Variants in SFR1 observed in about 807,000 individuals in gnomAD.
The protein encoded by SFR1 is swi5-dependent recombination DNA repair protein 1 homolog.
SFR1 carries 24 observed loss-of-function variants against 26.2 expected under a neutral mutation model. The ratio of observed to expected loss-of-function variants is 0.92; its 90% CI spans 0.66 to 1.29. The LOEUF is 1.29. Ranked by LOEUF, SFR1 falls within the 50% of genes most tolerant of loss-of-function variation. The pLI is 0.00. For synonymous variants in SFR1, 77 were observed against 96.6 expected (o/e 0.80, Z 1.19); for missense variants, 276 against 270.2 (o/e 1.02, Z -0.15).
chr10:104,122,606 A>G (rs959975363), intron 1 of SFR1: 2 of 985,298 alleles, frequency 2.0e-6, no homozygotes, highest in Admixed American at 6.1e-5. Flanking sequence ...GGTTTCGGCT[A>G]TAGCTTCTTG....
Position 104,122,954 on chromosome 10 carries a change from T to C in SFR1, c.14-11T>C. 6.2e-7 allele frequency: 1 copy of C among 1,611,732 alleles called. No homozygotes were observed. The highest frequency in any genetic ancestry group is 1.1e-5 in the South Asian group (1 of 90,990). The stretch of plus-strand genomic sequence containing the variant: ...GGTTAATTCGATTATTTTATAATTT[T>C]TCTTTTTTAGAGAAAAACCAAGATT... On this transcript the variant is annotated splice_polypyrimidine_tract_variant and intron_variant, in intron 1 of 3. Coordinates refer to ENST00000369727, the MANE Select transcript of SFR1 (RefSeq NM_001002759.2).
At chr10:104,121,871 G>C (rs544335059), upstream of SFR1, among the ~76,000 whole-genome samples, 1 of 152,194 alleles carries the variant, frequency 6.6e-6, no homozygotes, top group East Asian at 1.9e-4. Context: ...CCGAAGACCT[G>C]CTGCGGATCG....
upstream of SFR1, among the ~76,000 whole-genome samples, chr10:104,121,808 A>G (rs1269825740): frequency 6.6e-6 from 1 of 152,170 alleles, no homozygotes; most frequent in African/African-American, 2.4e-5. Flanking sequence ...CGCGAACGGA[A>G]GCGCGCCCCC....
chr10:104,122,107 C>T (rs1201052507), upstream of SFR1: 4 of 1,520,088 alleles, frequency 2.6e-6, no homozygotes, highest in Admixed American at 5.9e-5. Context: ...ATCTTTTCCG[C>T]CTACCGCACG....
chr10:104,124,264 A>G (rs2087002267), intron 3 of SFR1, 140 bp downstream of exon 3: 4 of 707,756 alleles, frequency 5.7e-6, no homozygotes, highest in Non-Finnish European at 8.7e-6. Context: ...AACAGCTTTA[A>G]TTCAACTCCA....
intron 1 of SFR1, chr10:104,122,595 A>T: frequency 1.0e-6 from 1 of 985,400 alleles, no homozygotes; most frequent in Non-Finnish European, 1.2e-6. Flanking sequence ...TTTTGAGTCA[A>T]GGTTTCGGCT....
rs2087019610 is a variant in SFR1 at position 104,125,691 on chromosome 10, TTA to T, written c.728_729del (p.Ile243ArgfsTer18). The T allele has an allele frequency of 6.3e-7, 1 of 1,583,790 alleles. No homozygotes were observed. The highest frequency in any genetic ancestry group is 1.1e-5 in the South Asian group (1 of 87,530). ...CACTATAACAGAAGTGAAGAAGAAT[TTA>T]TAGATGTTTAATTCCTGATTTTTGC... On this transcript the variant is annotated frameshift_variant, in exon 4 of 4. Coordinates refer to ENST00000369727, the MANE Select transcript of SFR1 (RefSeq NM_001002759.2). LOFTEE classifies it high-confidence loss of function.
Position 104,123,921 on chromosome 10 carries a change from T to A in SFR1, c.343T>A (p.Leu115Met). 6.2e-7 allele frequency: 1 copy of A among 1,613,174 alleles called. No homozygotes were observed. Among genetic ancestry groups the A allele is most frequent in the African/African-American group, 1.3e-5 (1 of 74,936 alleles). ...IDSEFEENTNLKNTLKNLNVC... is the reference protein window; with the variant it reads ...IDSEFEENTNMKNTLKNLNVC... The stretch of plus-strand genomic sequence containing the variant: ...CAGTGAATTTGAAGAAAATACAAAT[T>A]TGAAAAATACTTTGAAGAATCTCAA... Residue 115 changes from leucine (L) to methionine (M), a missense_variant, in exon 3 of 4, where the codon TTG becomes ATG. Leu to Met is a conservative substitution (Grantham distance 15). Transcript: ENST00000369727.
upstream of SFR1, chr10:104,122,140 G>A (rs760503855): frequency 6.1e-5 from 94 of 1,546,646 alleles, no homozygotes; most frequent in Non-Finnish European, 7.6e-5. Context: ...CCACAGGATC[G>A]ATTTACGGCC....
At position 104,124,124 on chromosome 10, in the gene SFR1, G is replaced by A; in HGVS notation, c.546G>A (p.Lys182=). 6.5e-7 allele frequency: 1 copy of A among 1,542,396 alleles called. No individual in the cohort carries two copies. Among genetic ancestry groups the A allele is most frequent in the Non-Finnish European group, 8.7e-7 (1 of 1,147,536 alleles). Reference sequence around the variant, plus strand: ...AACTAGTCAAAATGTATAGATCAAAGGTGAGAAGAATTTCAGGACCATTGC... The same window carrying A: ...AACTAGTCAAAATGTATAGATCAAAAGTGAGAAGAATTTCAGGACCATTGC... ...RLKLVKMYRS[K]NDLSQLQLLI... The change falls in exon 3 of 4, where the codon AAG becomes AAA. Residue 182 remains lysine (K), a splice_region_variant and synonymous_variant. Transcript: ENST00000369727.
At chr10:104,122,354 A>G in intron 1 of SFR1, 158 bp downstream of exon 1, 1 of 985,302 alleles carries the variant, frequency 1.0e-6, no homozygotes, top group African/African-American at 1.7e-5. Flanking sequence ...AACGGGGGGA[A>G]GGAGGGGACG....
intron 3 of SFR1, 84 bp from the exon 4 acceptor site, chr10:104,125,429 T>A: frequency 9.3e-7 from 1 of 1,077,560 alleles, no homozygotes; most frequent in Non-Finnish European, 1.4e-6. Context: ...CCTTTAAACC[T>A]GCACATCCAC....
intron 3 of SFR1, 49 bp downstream of exon 3, chr10:104,124,173 TACAG>T: frequency 7.1e-7 from 1 of 1,413,362 alleles, no homozygotes; most frequent in African/African-American, 1.5e-5. Context: ...TTACATAAAT[TACAG>T]GAAAGTAATT....
intron 1 of SFR1, 41 bp downstream of exon 1, chr10:104,122,237 C>T (rs370598760): frequency 4.6e-6 from 7 of 1,518,868 alleles, no homozygotes; most frequent in Non-Finnish European, 8.9e-7. Flanking sequence ...GACACCTGGG[C>T]TTCCCCGGGA....
intron 1 of SFR1, 84 bp from the exon 2 acceptor site, chr10:104,122,881 A>G: frequency 1.9e-6 from 3 of 1,575,884 alleles, no homozygotes; most frequent in Non-Finnish European, 2.6e-6. Context: ...GATGCTTTGT[A>G]CACCAATACA....
At chr10:104,125,103 TA>T (rs902950234) in intron 3 of SFR1, among the ~76,000 whole-genome samples, 5 of 152,174 alleles carry the variant, frequency 3.3e-5, no homozygotes, top group South Asian at 2.1e-4. Context: ...ATCCCCAGCC[TA>T]AAAAAATATT....
At chr10:104,121,463 C>T (rs72823941), upstream of SFR1, among the ~76,000 whole-genome samples, 1 of 152,082 alleles carries the variant, frequency 6.6e-6, no homozygotes, top group Non-Finnish European at 1.5e-5. Context: ...AAATGTGGAC[C>T]CCAACGCTGG....
intron 1 of SFR1, 70 bp from the exon 2 acceptor site, chr10:104,122,890 CAATAT>C (rs778263413): frequency 1.1e-4 from 172 of 1,583,178 alleles, no homozygotes; most frequent in Middle Eastern, 5.0e-4. Flanking sequence ...TACACCAATA[CAATAT>C]ATTATTTGAT....
intron 1 of SFR1, chr10:104,122,651 T>A: frequency 7.6e-7 from 1 of 1,320,846 alleles, no homozygotes; most frequent in East Asian, 3.4e-5. Flanking sequence ...AATTCCTGAT[T>A]ATCTAAAGCT....
Sources: allele counts gnomAD v4.1 joint callset (sites outside exome capture counted in the v4.1 genomes callset), GRCh38; gene constraint gnomAD v4.1.1; transcripts MANE v1.5; gene names NCBI Gene and HGNC (gene_info 2026-07-23, HGNC 2026-07-21).